The following MFAP1 variants were observed in gnomAD, a reference collection of about 807,000 sequenced individuals.
MFAP1 encodes the protein microfibrillar-associated protein 1.
Under a neutral mutation model 62.2 loss-of-function variants are expected in MFAP1, and 18 were observed. That is an observed-to-expected ratio of 0.29 (90% confidence interval 0.20 to 0.43). The LOEUF (loss-of-function observed/expected upper bound fraction) is 0.43, where lower values mean the gene tolerates loss of function less well. MFAP1 is among the 20% of genes least tolerant of loss of function. MFAP1 has a pLI of 1.00. For missense variants in MFAP1, 355 were observed against 559.7 expected, an observed-to-expected ratio of 0.63 and a Z score of 3.69; for synonymous variants, 175 against 180.4, an observed-to-expected ratio of 0.97 and a Z score of 0.24.
At chr15:43,820,820 C>G (rs2087462839) in intron 1 of MFAP1, among the ~76,000 whole-genome samples, 1 of 152,082 alleles carries the variant, frequency 6.6e-6, no homozygotes, top group African/African-American at 2.4e-5. Flanking sequence ...GCTGCCCATG[C>G]TGGTCTTGAA....
chr15:43,824,031 T>G (rs1013053522), intron 1 of MFAP1, among the ~76,000 whole-genome samples: 11 of 151,936 alleles, frequency 7.2e-5, no homozygotes, highest in African/African-American at 2.7e-4. Context: ...TGATATATAC[T>G]TAAGTTCCTA....
chr15:43,814,069 C>T (rs1011474379), intron 4 of MFAP1, among the ~76,000 whole-genome samples: 1 of 151,990 alleles, frequency 6.6e-6, no homozygotes, highest in African/African-American at 2.4e-5. Context: ...GCCTGACCAA[C>T]ATGGAAAAAC....
At chr15:43,810,034 GC>G in intron 6 of MFAP1, 120 bp from the exon 7 acceptor site, 1 of 1,200,182 alleles carries the variant, frequency 8.3e-7, no homozygotes, top group East Asian at 2.4e-5. Flanking sequence ...TCTAGTCATT[GC>G]CTATTAGGAA....
intron 1 of MFAP1, among the ~76,000 whole-genome samples, chr15:43,820,891 G>A (rs984722027): frequency 6.6e-6 from 1 of 152,156 alleles, no homozygotes; most frequent in Non-Finnish European, 1.5e-5. Flanking sequence ...TTACAGGCGT[G>A]AGCCACCATG....
chr15:43,814,966 CTCT>C lies in MFAP1; in HGVS notation c.405_407del (p.Glu139del), dbSNP rs1309436820. The C allele has an allele frequency of 6.2e-7, 1 of 1,613,968 alleles. No homozygotes were observed. Among genetic ancestry groups the C allele is most frequent in the Non-Finnish European group, 8.5e-7 (1 of 1,180,028 alleles). ...ATACCTCATCATCAATTTCCTCCTC[CTCT>C]TCTTCACTGCTGTCTTCTCGTTCCA... On this transcript the variant is annotated inframe_deletion, in exon 3 of 9. Coordinates refer to ENST00000267812, the MANE Select transcript of MFAP1 (RefSeq NM_005926.3).
At chr15:43,812,035 C>G (rs983106220) in intron 6 of MFAP1, among the ~76,000 whole-genome samples, 2 of 151,866 alleles carry the variant, frequency 1.3e-5, no homozygotes, top group African/African-American at 4.8e-5. Context: ...ACTAAAAATA[C>G]GAAAATTAGC....
rs1802527240 is a variant in MFAP1, at chr15:43,805,457, A to G, written c.1056T>C (p.Asp352=). The change falls in exon 8 of 9, where the codon GAT becomes GAC. Residue 352 remains aspartate, a synonymous_variant. Transcript: ENST00000267812. ...YHRGAFFMDE[D]EEVYKRDFSA... ...TGAAATCTCTCTTGTATACTTCTTCATCCTCATCCTGTATAAAAAAAATCT... is the reference window on the plus strand; with the variant it reads ...TGAAATCTCTCTTGTATACTTCTTCGTCCTCATCCTGTATAAAAAAAATCT... 1 of 1,604,442 alleles carries G rather than the reference A, an allele frequency of 6.2e-7. No homozygotes were observed. The highest frequency in any genetic ancestry group is 1.3e-5 in the African/African-American group (1 of 74,216).
intron 7 of MFAP1, among the ~76,000 whole-genome samples, chr15:43,808,926 A>ATAG: frequency 6.6e-6 from 1 of 152,248 alleles, no homozygotes; most frequent in Non-Finnish European, 1.5e-5. Flanking sequence ...TATATGAAAA[A>ATAG]CAAAGATGAC....
chr15:43,814,212 T>A (rs1234226497), intron 4 of MFAP1, among the ~76,000 whole-genome samples: 1 of 152,110 alleles, frequency 6.6e-6, no homozygotes, highest in Admixed American at 6.6e-5. Context: ...ATCATGCCAT[T>A]GCACTCCAGC....
intron 7 of MFAP1, among the ~76,000 whole-genome samples, chr15:43,806,889 T>G (rs140380384): frequency 1.2e-4 from 18 of 151,618 alleles, no homozygotes; most frequent in African/African-American, 4.4e-4. Context: ...AATAAATAAA[T>G]AAATAAATGA....
chr15:43,824,558 T>A lies in MFAP1; in HGVS notation c.12A>T (p.Pro4=). 6.2e-7 allele frequency: 1 copy of A among 1,614,152 alleles called. No individual in the cohort carries two copies. Among genetic ancestry groups the A allele is most frequent in the African/African-American group, 1.3e-5 (1 of 75,040 alleles). The change falls in exon 1 of 9, where the codon CCA becomes CCT. Residue 4 remains proline (P), a synonymous_variant. Transcript: ENST00000267812. MSV[P]SALMKQPPIQ... The stretch of plus-strand genomic sequence containing the variant: ...TGGGCGGTTGCTTCATGAGAGCGCT[T>A]GGGACCGACATGTTGATGGCAGCGA...
chr15:43,816,070 T>G (rs1179694767), intron 2 of MFAP1, among the ~76,000 whole-genome samples: 7 of 152,092 alleles, frequency 4.6e-5, no homozygotes, highest in Admixed American at 4.6e-4. Context: ...GAAAGTATAG[T>G]ATGAAAATCA....
intron 7 of MFAP1, among the ~76,000 whole-genome samples, chr15:43,806,517 C>T (rs1447157551): frequency 1.3e-5 from 2 of 152,208 alleles, no homozygotes; most frequent in African/African-American, 2.4e-5. Context: ...ACTGATGTTT[C>T]TAGACTGTAA....
Position 43,812,993 on chromosome 15 carries a change from C to G in MFAP1, c.881G>C (p.Arg294Pro). ...LKRIKRDREDREALEKEKAEI... is the reference protein window; with the variant it reads ...LKRIKRDREDPEALEKEKAEI... The stretch of plus-strand genomic sequence containing the variant: ...GGCTCATCTTTTTACTCACGCTTCT[C>G]GATCTTCTCTGTCCCTCTTGATTCT... Residue 294 changes from arginine to proline, a missense_variant, in exon 6 of 9, where the codon CGA becomes CCA. This residue lies in a region of MFAP1 where 257 missense variants were observed against 341.3 expected (regional missense o/e 0.75). Transcript: ENST00000267812. 1 of 1,614,042 alleles carries G rather than the reference C, an allele frequency of 6.2e-7. No individual in the cohort carries two copies. Among genetic ancestry groups the G allele is most frequent in the East Asian group, 2.2e-5 (1 of 44,886 alleles).
intron 1 of MFAP1, among the ~76,000 whole-genome samples, chr15:43,820,053 C>T (rs1056035946): frequency 6.6e-6 from 1 of 152,296 alleles, no homozygotes; most frequent in East Asian, 1.9e-4. Context: ...GAGGCTGAGG[C>T]AGGAGAATGG....
intron 6 of MFAP1, chr15:43,810,220 TAA>T (rs766700260): frequency 3.1e-3 from 621 of 198,414 alleles, no homozygotes; most frequent in East Asian, 6.3e-3. Flanking sequence ...TTCTTAGCTT[TAA>T]AAAAAAAAAA....
chr15:43,816,558 A>G (rs2087435163), intron 2 of MFAP1, among the ~76,000 whole-genome samples: 1 of 152,156 alleles, frequency 6.6e-6, no homozygotes, highest in Non-Finnish European at 1.5e-5. Flanking sequence ...GGCACTGTTA[A>G]TCTTCAAGTG....
chr15:43,818,656 G>A (rs1445508705), intron 1 of MFAP1, among the ~76,000 whole-genome samples: 1 of 152,158 alleles, frequency 6.6e-6, no homozygotes, highest in Non-Finnish European at 1.5e-5. Context: ...ATTTTGGAAG[G>A]TTGAGGCAGG....
chr15:43,823,148 T>C (rs1366501687), intron 1 of MFAP1, among the ~76,000 whole-genome samples: 3 of 151,542 alleles, frequency 2.0e-5, no homozygotes, highest in Non-Finnish European at 4.4e-5. Flanking sequence ...TAATTTTTAT[T>C]TTTGCAGAGA....
Sources: allele counts gnomAD v4.1 joint callset (sites outside exome capture counted in the v4.1 genomes callset), GRCh38; gene constraint gnomAD v4.1.1; regional missense constraint gnomAD v4.1.1; transcripts MANE v1.5; gene names NCBI Gene and HGNC (gene_info 2026-07-23, HGNC 2026-07-21).